The following TBC1D8 variants were observed in gnomAD, a reference collection of about 807,000 sequenced individuals.
The protein encoded by TBC1D8 is TBC1 domain family member 8.
A neutral mutation model predicts 118.8 loss-of-function variants in TBC1D8; 65 were observed. The observed-to-expected ratio is 0.55, with a 90% CI of 0.45 to 0.67. The LOEUF is 0.67. Ranked by LOEUF, TBC1D8 falls within the 30% of genes least tolerant of loss-of-function variation. The pLI is 0.00. For missense variants in TBC1D8, 1,376 were observed against 1,471.2 expected (o/e 0.94, Z 1.06); for synonymous variants, 566 against 595.8 (o/e 0.95, Z 0.73).
intron 3 of TBC1D8, among the ~76,000 whole-genome samples, chr2:101,057,376 C>A (rs886468031): frequency 2.7e-4 from 41 of 152,146 alleles, no homozygotes; most frequent in African/African-American, 9.9e-4. Flanking sequence ...CAGTACACTG[C>A]CCCCAAAAGC....
intron 19 of TBC1D8, 112 bp from the exon 20 acceptor site, chr2:101,008,385 A>G (rs1346893702): frequency 5.9e-6 from 5 of 847,520 alleles, no homozygotes; most frequent in Admixed American, 6.5e-5. Context: ...TTGAAGACAC[A>G]GAATATAAGA....
At chr2:101,058,464 A>C (rs1217467182) in intron 3 of TBC1D8, among the ~76,000 whole-genome samples, 1 of 152,220 alleles carries the variant, frequency 6.6e-6, no homozygotes, top group African/African-American at 2.4e-5. Flanking sequence ...TAATGTGTTA[A>C]AGTATTTAAT....
chr2:101,137,633 T>G (rs560198481), intron 1 of TBC1D8, among the ~76,000 whole-genome samples: 4 of 152,358 alleles, frequency 2.6e-5, no homozygotes, highest in African/African-American at 9.6e-5. Flanking sequence ...AGATATTTTT[T>G]GAATCCTGAC....
intron 1 of TBC1D8, among the ~76,000 whole-genome samples, chr2:101,118,389 A>C (rs957068370): frequency 6.6e-6 from 1 of 152,232 alleles, no homozygotes; most frequent in African/African-American, 2.4e-5. Flanking sequence ...TCTTCTATCT[A>C]GAAAAGCCTA....
Position 101,008,075 on chromosome 2 carries a change from C to T in TBC1D8, c.3214G>A (p.Asp1072Asn), listed in dbSNP as rs772586060. ...TTCCCAGTGTCTGCAAAAACCGAGTCCTCAGGAGAAGGAGCTGAAGCCCGC... is the reference window on the plus strand; with the variant it reads ...TTCCCAGTGTCTGCAAAAACCGAGTTCTCAGGAGAAGGAGCTGAAGCCCGC... ...ELRASAPSPE[D>N]SVFADTGKTP... The change falls in exon 20 of 20, where the codon GAC becomes AAC. Residue 1072 changes from aspartate to asparagine, a missense_variant. Asp to Asn is a conservative substitution (Grantham distance 23). Coordinates refer to ENST00000409318, the MANE Select transcript of TBC1D8 (RefSeq NM_001330348.2). 11 of 1,613,956 alleles carry T rather than the reference C, an allele frequency of 6.8e-6. No individual in the cohort carries two copies. The Admixed American group carries it at 1.8e-4, about 27-fold the overall frequency.
chr2:101,129,322 T>C (rs1678485359), intron 1 of TBC1D8, among the ~76,000 whole-genome samples: 1 of 152,036 alleles, frequency 6.6e-6, no homozygotes, highest in Admixed American at 6.5e-5. Context: ...TTTGTATTTT[T>C]AGTAGACACG....
At chr2:101,049,499 C>T (rs1180455107) in intron 5 of TBC1D8, among the ~76,000 whole-genome samples, 1 of 152,026 alleles carries the variant, frequency 6.6e-6, no homozygotes, top group Admixed American at 6.6e-5. Context: ...GAGGCTGAGG[C>T]GGGTGGAACA....
chr2:101,038,727 T>C, intron 6 of TBC1D8, 72 bp from the exon 7 acceptor site: 3 of 1,543,776 alleles, frequency 1.9e-6, no homozygotes, highest in South Asian at 2.3e-5. Flanking sequence ...ATGCAGAAGA[T>C]GTCCCGAAAC....
intron 1 of TBC1D8, among the ~76,000 whole-genome samples, chr2:101,097,247 C>T (rs765340783): frequency 1.6e-4 from 24 of 151,868 alleles, no homozygotes; most frequent in Middle Eastern, 3.4e-3. Context: ...GAAGAAATAA[C>T]GGCTTCCTTA....
chr2:101,128,053 A>C (rs1678429066), intron 1 of TBC1D8, among the ~76,000 whole-genome samples: 1 of 152,188 alleles, frequency 6.6e-6, no homozygotes, highest in Non-Finnish European at 1.5e-5. Flanking sequence ...TAAGAAACCA[A>C]GGTCCAAGGT....
At chr2:101,096,822 A>AGC (rs1159991962) in intron 1 of TBC1D8, among the ~76,000 whole-genome samples, 3 of 151,500 alleles carry the variant, frequency 2.0e-5, no homozygotes, top group Middle Eastern at 3.4e-3. Flanking sequence ...AGAGAGAGAC[A>AGC]GCACAAGGAA....
In TBC1D8 at chr2:101,079,541, A is replaced by AT. The variant is rs796387038; in HGVS notation, c.283+10667dup. On this transcript the variant is annotated intron_variant, in intron 2 of 19. Transcript: ENST00000409318. ...AGGTGCGCTCCACCACGCCCGGCTA[A>AT]TTTTTTTTTTTTTCTGTAGAAACAG... is the stretch of plus-strand genomic sequence containing the variant. Among the ~76,000 whole-genome samples, 693 of 145,238 alleles carry AT rather than the reference A, an allele frequency of 4.8e-3. 4 individuals are homozygous for AT. The highest frequency in any genetic ancestry group is 0.011 in the Middle Eastern group (3 of 280).
At chr2:101,125,439 G>T (rs972456991) in intron 1 of TBC1D8, among the ~76,000 whole-genome samples, 5 of 152,210 alleles carry the variant, frequency 3.3e-5, no homozygotes, top group Admixed American at 3.3e-4. Context: ...ACACACACAG[G>T]CCTCCTTCCA....
intron 2 of TBC1D8, among the ~76,000 whole-genome samples, chr2:101,072,772 T>C (rs566819643): frequency 1.3e-5 from 2 of 152,294 alleles, no homozygotes; most frequent in South Asian, 4.1e-4. Flanking sequence ...TCGTCCTGTG[T>C]GGTCCAGTTC....
chr2:101,077,048 G>C (rs1674881771), intron 2 of TBC1D8, among the ~76,000 whole-genome samples: 1 of 152,200 alleles, frequency 6.6e-6, no homozygotes, highest in Non-Finnish European at 1.5e-5. Flanking sequence ...TTTTGAGACG[G>C]AGTCTCGCTC....
chr2:101,091,211 G>A (rs1304093568), intron 1 of TBC1D8, among the ~76,000 whole-genome samples: 8 of 152,146 alleles, frequency 5.3e-5, no homozygotes. Flanking sequence ...CTTGATCCCA[G>A]CAGGTGGAGG....
rs188556843 is a variant in TBC1D8, at chr2:101,075,696, A to C, written c.283+14513T>G. Among the ~76,000 whole-genome samples, 214 of 152,274 alleles carry C rather than the reference A, an allele frequency of 1.4e-3. 2 individuals carry two copies. The highest frequency in any genetic ancestry group is 4.5e-3 in the African/African-American group (188 of 41,542). On this transcript the variant is annotated intron_variant, in intron 2 of 19. Coordinates refer to ENST00000409318, the MANE Select transcript of TBC1D8 (RefSeq NM_001330348.2). ...TTCTGCCATGATTGTAAGTTTCCTGAGGCCTCCCCAGCCATGCTGAGCTGT... is the reference window on the plus strand; with the variant it reads ...TTCTGCCATGATTGTAAGTTTCCTGCGGCCTCCCCAGCCATGCTGAGCTGT...
At chr2:101,060,975 G>A (rs1320820620) in intron 2 of TBC1D8, among the ~76,000 whole-genome samples, 1 of 152,034 alleles carries the variant, frequency 6.6e-6, no homozygotes, top group Middle Eastern at 3.4e-3. Flanking sequence ...ATCACTTGAG[G>A]TCAGGAGTTT....
intron 1 of TBC1D8, among the ~76,000 whole-genome samples, chr2:101,090,949 T>C (rs1044578757): frequency 6.6e-6 from 1 of 152,206 alleles, no homozygotes; most frequent in African/African-American, 2.4e-5. Context: ...TCCAATATGG[T>C]AGAATAATCC....
Sources: gnomAD v4.1 joint callset for allele counts (sites outside exome capture counted in the v4.1 genomes callset) on GRCh38, gnomAD v4.1.1 for gene constraint, MANE v1.5 for transcripts, NCBI Gene and HGNC (gene_info 2026-07-23, HGNC 2026-07-21) for gene names.